The following TTC3 variants were observed in gnomAD, a reference collection of about 807,000 sequenced individuals.
The protein encoded by TTC3 is tetratricopeptide repeat domain 3.
Under a neutral mutation model 249.6 loss-of-function variants are expected in TTC3, and 180 were observed. The observed-to-expected ratio is 0.72, with a 90% confidence interval of 0.64 to 0.82. TTC3 has a LOEUF of 0.82. TTC3 is among the 40% of genes least tolerant of loss of function. TTC3 has a pLI of 0.00. For synonymous variants in TTC3, 717 were observed against 805.0 expected (o/e 0.89, Z 1.85); for missense variants, 2,061 against 2,398.4 (o/e 0.86, Z 2.94).
intron 11 of TTC3, among the ~76,000 whole-genome samples, chr21:37,110,918 A>G (rs2075600626): frequency 6.6e-6 from 1 of 152,246 alleles, no homozygotes. Flanking sequence ...CTTAAAGAAA[A>G]GAATTTTCAA....
intron 39 of TTC3, among the ~76,000 whole-genome samples, chr21:37,191,014 G>A (rs1037468539): frequency 6.6e-6 from 1 of 152,138 alleles, no homozygotes; most frequent in East Asian, 1.9e-4. Flanking sequence ...AAATGCAGAC[G>A]CTGTCTTTAA....
intron 6 of TTC3, 58 bp from the exon 7 acceptor site, chr21:37,091,235 A>C: frequency 6.5e-7 from 1 of 1,548,306 alleles, no homozygotes; most frequent in Non-Finnish European, 8.8e-7. Context: ...TTATAATGCC[A>C]CATGCAAATT....
intron 18 of TTC3, among the ~76,000 whole-genome samples, chr21:37,136,372 A>T (rs186383695): frequency 4.6e-5 from 7 of 152,352 alleles, no homozygotes; most frequent in Non-Finnish European, 1.0e-4. Context: ...AATGCAAAGA[A>T]ACAGTTTTTG....
intron 30 of TTC3, among the ~76,000 whole-genome samples, chr21:37,161,138 A>T (rs2080703700): frequency 6.6e-6 from 1 of 152,070 alleles, no homozygotes; most frequent in South Asian, 2.1e-4. Flanking sequence ...CCCAAAAAAT[A>T]AATAAGTCTC....
At chr21:37,153,760 G>GC (rs1245758570) in intron 27 of TTC3, among the ~76,000 whole-genome samples, 2 of 152,166 alleles carry the variant, frequency 1.3e-5, no homozygotes, top group African/African-American at 4.8e-5. Context: ...CCTGGAGTCT[G>GC]CCCCCTGCTC....
At chr21:37,103,882 C>T (rs1190518598) in intron 10 of TTC3, among the ~76,000 whole-genome samples, 1 of 152,038 alleles carries the variant, frequency 6.6e-6, no homozygotes, top group Non-Finnish European at 1.5e-5. Flanking sequence ...TGTGTTAAGG[C>T]TTTTGGCCTT....
chr21:37,200,459 C>T, intron 45 of TTC3, 135 bp downstream of exon 45: 1 of 912,048 alleles, frequency 1.1e-6, no homozygotes, highest in Non-Finnish European at 1.7e-6. Flanking sequence ...CCTCCCGTGT[C>T]AGTGTTCAGT....
At chr21:37,098,762 G>A (rs930790676) in intron 10 of TTC3, 7 of 152,148 alleles carry the variant, frequency 4.6e-5, no homozygotes, top group African/African-American at 1.7e-4. Flanking sequence ...TCCTGATCAG[G>A]TGACTAGATG....
chr21:37,129,133 T>G (rs1226894190), intron 16 of TTC3, 70 bp downstream of exon 16: 29 of 1,206,462 alleles, frequency 2.4e-5, no homozygotes, highest in Admixed American at 7.8e-5. Context: ...GAAAAAAAAT[T>G]GTTTTTCGAG....
chr21:37,194,498 AT>A (rs2084621822), intron 41 of TTC3: 1 of 152,124 alleles, frequency 6.6e-6, no homozygotes, highest in Non-Finnish European at 1.5e-5. Flanking sequence ...ATTTTACTCC[AT>A]AATGGCCCCA....
intron 32 of TTC3, 85 bp downstream of exon 32, chr21:37,164,300 T>C: frequency 7.7e-7 from 1 of 1,297,932 alleles, no homozygotes; most frequent in Non-Finnish European, 1.0e-6. Flanking sequence ...TGTGCCTGTT[T>C]TTAGAGATTT....
intron 44 of TTC3, 104 bp from the exon 45 acceptor site, chr21:37,200,128 A>C (rs914355630): frequency 9.2e-6 from 9 of 982,954 alleles, no homozygotes; most frequent in Admixed American, 5.8e-5. Context: ...ATAATTTGCC[A>C]CCCTTTGTGG....
chr21:37,197,428 T>C, intron 42 of TTC3, 142 bp from the exon 43 acceptor site: 1 of 986,578 alleles, frequency 1.0e-6, no homozygotes, highest in South Asian at 1.5e-5. Context: ...TAGTTATTGT[T>C]GTTATCAGTG....
intron 18 of TTC3, among the ~76,000 whole-genome samples, chr21:37,137,104 A>G (rs1601702358): frequency 6.6e-6 from 1 of 152,214 alleles, no homozygotes; most frequent in African/African-American, 2.4e-5. Flanking sequence ...CTCATTGACA[A>G]TGCACCTGAT....
intron 41 of TTC3, among the ~76,000 whole-genome samples, chr21:37,193,232 G>A (rs1049392777): frequency 0.097 from 6 of 62 alleles, no homozygotes; most frequent in East Asian, 0.33. Flanking sequence ...CTGAAACCCC[G>A]TCAGGCGTGC....
chr21:37,095,835 G>C (rs1357515924), intron 9 of TTC3, among the ~76,000 whole-genome samples: 2 of 152,158 alleles, frequency 1.3e-5, no homozygotes, highest in Non-Finnish European at 2.9e-5. Context: ...TTCTAAGAGG[G>C]AACTTTTACA....
At chr21:37,142,467 A>G (rs998659520) in intron 20 of TTC3, among the ~76,000 whole-genome samples, 1 of 152,226 alleles carries the variant, frequency 6.6e-6, no homozygotes, top group Non-Finnish European at 1.5e-5. Context: ...ACAGACAAAC[A>G]GAGAGCCAAA....
At chr21:37,195,017 GGT>G (rs1278937809) in intron 41 of TTC3, 1 of 152,424 alleles carries the variant, frequency 6.6e-6, no homozygotes, top group Non-Finnish European at 1.5e-5. Context: ...GGGAGTTGAG[GGT>G]GAGTCTTGGG....
At position 37,081,109 on chromosome 21, in the gene TTC3, C is replaced by CTT. The variant is rs58809719; in HGVS notation, c.-11-6112_-11-6111dup. On this transcript the variant is annotated intron_variant, in intron 1 of 45. Coordinates refer to ENST00000355666, the Ensembl canonical transcript of TTC3. ...AGTGTGCTGCCAGTTTTATTTATGC[C>CTT]TTTTTTTTTTTTTTTTTTTTTTTTT... 6.4e-3 allele frequency among the ~76,000 whole-genome samples: 370 copies of CTT among 58,188 alleles called. 64 individuals carry two copies. The highest frequency in any genetic ancestry group is 0.019 in the African/African-American group (273 of 14,524). 38.2% of individuals were successfully genotyped at this position (58,188 alleles called of 152,430 possible).
Sources: allele counts gnomAD v4.1 joint callset (sites outside exome capture counted in the v4.1 genomes callset), GRCh38; gene constraint gnomAD v4.1.1; transcripts MANE v1.5; gene names NCBI Gene and HGNC (gene_info 2026-07-23, HGNC 2026-07-21).